The following BEND6 variants were observed in gnomAD, a reference collection of about 807,000 sequenced individuals.
BEND6 encodes BEN domain-containing protein 6.
Under a neutral mutation model 31.8 loss-of-function variants are expected in BEND6, and 24 were observed. The ratio of observed to expected loss-of-function variants is 0.75; its 90% CI spans 0.55 to 1.06. The LOEUF (loss-of-function observed/expected upper bound fraction) is 1.06, where lower values mean the gene tolerates loss of function less well. Ranked by LOEUF, BEND6 falls within the 50% of genes least tolerant of loss-of-function variation. The pLI is 0.00. For synonymous variants in BEND6, 109 were observed against 114.6 expected (o/e 0.95, Z 0.31); for missense variants, 294 against 327.4 (o/e 0.90, Z 0.79).
At chr6:57,003,513 C>T (rs1229204918) in intron 3 of BEND6, among the ~76,000 whole-genome samples, 1 of 127,986 alleles carries the variant, frequency 7.8e-6, no homozygotes, top group East Asian at 2.0e-4. Context: ...AAACAAACAG[C>T]AACAACAACA....
At chr6:57,005,551 G>T (rs973937854) in intron 3 of BEND6, among the ~76,000 whole-genome samples, 1 of 151,840 alleles carries the variant, frequency 6.6e-6, no homozygotes, top group Non-Finnish European at 1.5e-5. Context: ...ATGGTGGCAG[G>T]TGTCTGTAAT....
rs373292783 is a variant in BEND6, at chr6:56,972,323, G to A, written c.-100-9388G>A. On this transcript the variant is annotated intron_variant, in intron 1 of 6. Coordinates refer to ENST00000370746, the MANE Select transcript of BEND6 (RefSeq NM_152731.3). ...TTGGCCAGGCTGGTCTCGAACCTCT[G>A]AGCTCAAGTGGTCTACCCATCTCGG... Among the ~76,000 whole-genome samples the A allele has an allele frequency of 2.6e-5, 4 of 152,062 alleles. No individual in the cohort carries two copies. In the East Asian group the frequency reaches 7.7e-4, roughly 29 times the overall value.
intron 2 of BEND6, among the ~76,000 whole-genome samples, chr6:56,985,684 AAC>A (rs1440857750): frequency 3.3e-5 from 5 of 152,176 alleles, no homozygotes; most frequent in African/African-American, 1.2e-4. Flanking sequence ...GCCCAGCTAA[AAC>A]CTTTATTGTA....
rs758819129 is a variant in BEND6 at position 56,992,412 on chromosome 6, G to A, written c.155G>A (p.Gly52Asp). 2.5e-6 allele frequency: 4 copies of A among 1,612,310 alleles called. No individual in the cohort carries two copies. The highest frequency in any genetic ancestry group is 1.7e-5 in the Admixed American group (1 of 59,586). Residue 52 changes from glycine (G) to aspartate (D), a missense_variant, in exon 3 of 7, where the codon GGT (glycine) becomes GAT (aspartate). Transcript: ENST00000370746. ...TATTCGGGAAATGCCTTTCTGCCTG[G>A]TGAAAGCTCCAGTGAGGATGAAGAG... Reference protein sequence around the residue: ...DPYSGNAFLPGESSSEDEEPL... With the variant: ...DPYSGNAFLPDESSSEDEEPL...
chr6:56,999,000 C>T (rs1453619094), intron 3 of BEND6, among the ~76,000 whole-genome samples: 1 of 152,168 alleles, frequency 6.6e-6, no homozygotes, highest in African/African-American at 2.4e-5. Flanking sequence ...GTTCATCAGC[C>T]CACTCTGCTG....
At chr6:56,975,717 G>C (rs1218844747) in intron 1 of BEND6, 1 of 470,818 alleles carries the variant, frequency 2.1e-6, no homozygotes, top group Admixed American at 2.5e-5. Context: ...TTGAGTTTTG[G>C]GATATTTTGT....
At position 56,980,446 on chromosome 6, in the gene BEND6, C is replaced by G. The variant is rs142184613; in HGVS notation, c.-100-1265C>G. Among the ~76,000 whole-genome samples, 488 of 152,296 alleles carry G rather than the reference C, an allele frequency of 3.2e-3. 1 individual carries two copies. The highest frequency in any genetic ancestry group is 0.02 in the Middle Eastern group (6 of 294). On this transcript the variant is annotated intron_variant, in intron 1 of 6. Transcript: ENST00000370746. ...TCAGGCAATCTGCCCGCCTGGGACT[C>G]CCAAAGTGCTAGGGTTACAGGTGTG... is the stretch of plus-strand genomic sequence containing the variant.
intron 2 of BEND6, among the ~76,000 whole-genome samples, chr6:56,988,483 A>G (rs1367016512): frequency 6.6e-6 from 1 of 152,212 alleles, no homozygotes; most frequent in African/African-American, 2.4e-5. Flanking sequence ...GTATACTAAC[A>G]TGATAAAAAT....
At chr6:56,985,374 A>G (rs1356570541) in intron 2 of BEND6, among the ~76,000 whole-genome samples, 1 of 152,116 alleles carries the variant, frequency 6.6e-6, no homozygotes, top group Non-Finnish European at 1.5e-5. Flanking sequence ...TAGGGGTGCT[A>G]TGGCAGCTCC....
At chr6:56,994,965 A>G (rs1388821853) in intron 3 of BEND6, among the ~76,000 whole-genome samples, 1 of 152,062 alleles carries the variant, frequency 6.6e-6, no homozygotes, top group East Asian at 1.9e-4. Context: ...TTTACTTCTT[A>G]CTTCTCTGAG....
At chr6:57,009,662 G>A (rs960740206) in intron 3 of BEND6, 2 of 152,318 alleles carry the variant, frequency 1.3e-5, no homozygotes, top group South Asian at 4.1e-4. Flanking sequence ...ATATCAGAAA[G>A]CAAGGAAGTT....
chr6:57,000,697 GTT>G (rs948232578), intron 3 of BEND6, among the ~76,000 whole-genome samples: 2 of 151,772 alleles, frequency 1.3e-5, no homozygotes, highest in African/African-American at 4.8e-5. Flanking sequence ...GGCATTAGTG[GTT>G]TGGAGAGGAA....
At chr6:56,991,873 A>G (rs964958291) in intron 2 of BEND6, among the ~76,000 whole-genome samples, 2 of 152,166 alleles carry the variant, frequency 1.3e-5, no homozygotes, top group Non-Finnish European at 2.9e-5. Flanking sequence ...TCTAATAAAT[A>G]GTAACCTTTT....
At chr6:57,005,584 G>A (rs1371217470) in intron 3 of BEND6, among the ~76,000 whole-genome samples, 5 of 151,978 alleles carry the variant, frequency 3.3e-5, no homozygotes, top group East Asian at 1.9e-4. Context: ...GGAGGCTGAG[G>A]CGGGAGAATC....
chr6:56,956,506 A>G (rs191043355), intron 1 of BEND6, among the ~76,000 whole-genome samples: 1 of 152,394 alleles, frequency 6.6e-6, no homozygotes, highest in African/African-American at 2.4e-5. Flanking sequence ...ATTCATAAGC[A>G]TGGAAAACAA....
intron 3 of BEND6, among the ~76,000 whole-genome samples, chr6:56,994,969 C>A (rs1826650442): frequency 6.6e-6 from 1 of 152,148 alleles, no homozygotes; most frequent in Non-Finnish European, 1.5e-5. Context: ...CTTCTTACTT[C>A]TCTGAGAGGT....
intron 1 of BEND6, among the ~76,000 whole-genome samples, chr6:56,968,097 A>T (rs1291991899): frequency 6.6e-6 from 1 of 152,182 alleles, no homozygotes; most frequent in Non-Finnish European, 1.5e-5. Context: ...ATAGGGAACT[A>T]AATTAATTTC....
chr6:56,959,976 CA>C (rs35028841), intron 1 of BEND6, among the ~76,000 whole-genome samples: 1 of 152,006 alleles, frequency 6.6e-6, no homozygotes. Flanking sequence ...ACAGACTTTT[CA>C]AAAAAGTCAG....
chr6:57,019,455 A>G (rs1022124288), intron 6 of BEND6, among the ~76,000 whole-genome samples: 4 of 152,134 alleles, frequency 2.6e-5, no homozygotes, highest in South Asian at 2.1e-4. Flanking sequence ...TTCCACTTCT[A>G]TCTTTGACTT....
Sources: gnomAD v4.1 joint callset for allele counts (sites outside exome capture counted in the v4.1 genomes callset) on GRCh38, gnomAD v4.1.1 for gene constraint, MANE v1.5 for transcripts, NCBI Gene and HGNC (gene_info 2026-07-23, HGNC 2026-07-21) for gene names.